Variants in PHYHIPL observed in about 807,000 individuals in gnomAD.
PHYHIPL encodes the protein phytanoyl-CoA hydroxylase-interacting protein-like.
PHYHIPL carries 9 observed loss-of-function variants against 33.4 expected under a neutral mutation model. The ratio of observed to expected loss-of-function variants is 0.27; its 90% CI spans 0.16 to 0.47. PHYHIPL has a LOEUF of 0.47. Among genes scored for constraint, PHYHIPL ranks in the 20% least tolerant of loss-of-function variants. The pLI is 0.99. For synonymous variants in PHYHIPL, 153 were observed against 154.1 expected (o/e 0.99, Z 0.05); for missense variants, 365 against 460.7 (o/e 0.79, Z 1.90).
intron 1 of PHYHIPL, among the ~76,000 whole-genome samples, chr10:59,222,149 A>G (rs1046909849): frequency 6.6e-6 from 1 of 152,096 alleles, no homozygotes; most frequent in African/African-American, 2.4e-5. Context: ...GAAGTACTGT[A>G]TATGGATTTC....
At chr10:59,222,392 G>A (rs1473731220) in intron 1 of PHYHIPL, among the ~76,000 whole-genome samples, 2 of 151,948 alleles carry the variant, frequency 1.3e-5, no homozygotes, top group African/African-American at 2.4e-5. Flanking sequence ...TAGAAAAGAG[G>A]TAATAAAAGC....
chr10:59,209,776 C>A (rs1839393688), intron 1 of PHYHIPL, among the ~76,000 whole-genome samples: 1 of 152,138 alleles, frequency 6.6e-6, no homozygotes, highest in South Asian at 2.1e-4. Flanking sequence ...ACATCTGCAA[C>A]CATCTAATCT....
At chr10:59,194,682 G>C (rs1298729387) in intron 1 of PHYHIPL, among the ~76,000 whole-genome samples, 1 of 152,158 alleles carries the variant, frequency 6.6e-6, no homozygotes, top group African/African-American at 2.4e-5. Flanking sequence ...TGACAAAAAG[G>C]CAAAATGGCA....
At chr10:59,184,012 T>G (rs988169803) in intron 1 of PHYHIPL, among the ~76,000 whole-genome samples, 8 of 152,218 alleles carry the variant, frequency 5.3e-5, no homozygotes, top group South Asian at 2.1e-4. Context: ...TATTGGTGAA[T>G]CTCTCAGTCT....
intron 1 of PHYHIPL, among the ~76,000 whole-genome samples, chr10:59,214,368 ACAT>A (rs1839549164): frequency 6.6e-6 from 1 of 152,108 alleles, no homozygotes; most frequent in Non-Finnish European, 1.5e-5. Flanking sequence ...CTGTTTGGTG[ACAT>A]CATCACACAA....
chr10:59,190,092 G>A (rs1332743794), intron 1 of PHYHIPL, among the ~76,000 whole-genome samples: 1 of 151,906 alleles, frequency 6.6e-6, no homozygotes, highest in Non-Finnish European at 1.5e-5. Context: ...TTGTGTAATT[G>A]TACTATAATT....
intron 4 of PHYHIPL, among the ~76,000 whole-genome samples, chr10:59,242,759 CA>C (rs1840447481): frequency 6.6e-6 from 1 of 151,928 alleles, no homozygotes; most frequent in African/African-American, 2.4e-5. Context: ...TAAGTAAAGT[CA>C]AAAGCTGGAT....
At chr10:59,230,201 A>T (rs1840039180) in intron 1 of PHYHIPL, among the ~76,000 whole-genome samples, 5 of 142,520 alleles carry the variant, frequency 3.5e-5, no homozygotes, top group Admixed American at 2.4e-4. Context: ...GAAATATTTT[A>T]AAATTGCTTT....
At chr10:59,199,807 T>C (rs544137286) in intron 1 of PHYHIPL, among the ~76,000 whole-genome samples, 20 of 152,302 alleles carry the variant, frequency 1.3e-4, no homozygotes, top group African/African-American at 4.3e-4. Flanking sequence ...TATTTTCTTC[T>C]CTTTGAAGCA....
rs1272754807 is a variant in PHYHIPL at position 59,229,056 on chromosome 10, T to C, written c.107-5248T>C. Among the ~76,000 whole-genome samples the C allele has an allele frequency of 2.0e-5, 3 of 152,146 alleles. No individual in the cohort carries two copies. The East Asian group carries it at 5.8e-4, about 29-fold the overall frequency. ...ACAGTATTTGCCAGAGCACATCTGG[T>C]TTATTAAGAGACTATTTTAATTCTT... On this transcript the variant is annotated intron_variant, in intron 1 of 4. Transcript: ENST00000373880.
intron 1 of PHYHIPL, among the ~76,000 whole-genome samples, chr10:59,195,547 A>G (rs1838888431): frequency 6.6e-6 from 1 of 152,164 alleles, no homozygotes. Context: ...GTCTTCAGAG[A>G]TAAGGATATT....
chr10:59,207,382 C>A (rs1214306004), intron 1 of PHYHIPL, among the ~76,000 whole-genome samples: 2 of 152,166 alleles, frequency 1.3e-5, no homozygotes, highest in South Asian at 4.1e-4. Context: ...CCATGAGGAC[C>A]AGTGCACTCC....
rs1366453966 is a variant in PHYHIPL at position 59,245,143 on chromosome 10, T to C, written c.683T>C (p.Ile228Thr). 1.9e-6 allele frequency: 3 copies of C among 1,614,126 alleles called. No individual in the cohort carries two copies. The highest frequency in any genetic ancestry group is 2.5e-6 in the Non-Finnish European group (3 of 1,179,998). ...GSPISGKLEGIFFSCSTEFNT... is the reference protein window; with the variant it reads ...GSPISGKLEGTFFSCSTEFNT... ...CCTATCAGTGGAAAATTAGAAGGCA[T>C]CTTCTTCAGCTGCAGCACTGAATTC... is the stretch of plus-strand genomic sequence containing the variant. The change falls in exon 5 of 5, where the codon ATC (isoleucine) becomes ACC (threonine). Residue 228 changes from isoleucine (I) to threonine (T), a missense_variant. Transcript: ENST00000373880.
At chr10:59,185,741 C>T (rs991903915) in intron 1 of PHYHIPL, among the ~76,000 whole-genome samples, 2 of 152,152 alleles carry the variant, frequency 1.3e-5, no homozygotes, top group African/African-American at 4.8e-5. Flanking sequence ...TTTCATGTGT[C>T]TGTTGGCTGC....
At chr10:59,223,343 T>A (rs1839831679) in intron 1 of PHYHIPL, among the ~76,000 whole-genome samples, 1 of 152,212 alleles carries the variant, frequency 6.6e-6, no homozygotes, top group African/African-American at 2.4e-5. Context: ...ATAACATCTA[T>A]GTTTTGCCCT....
intron 1 of PHYHIPL, among the ~76,000 whole-genome samples, chr10:59,227,493 T>C (rs1839957434): frequency 6.6e-6 from 1 of 152,172 alleles, no homozygotes; most frequent in Non-Finnish European, 1.5e-5. Context: ...TGCTGCCACC[T>C]TGGGGACCAA....
In PHYHIPL at chr10:59,183,374, A is replaced by G. The variant is rs114224440; in HGVS notation, c.106+6415A>G. 4.7e-3 allele frequency among the ~76,000 whole-genome samples: 719 copies of G among 152,360 alleles called. 12 individuals are homozygous for G. The highest frequency in any genetic ancestry group is 0.017 in the African/African-American group (690 of 41,596). On this transcript the variant is annotated intron_variant, in intron 1 of 4. Coordinates refer to ENST00000373880, the MANE Select transcript of PHYHIPL (RefSeq NM_032439.4). ...TGAAGATGTTTCAAATCTAACATTAAGAGAACCCTTAGAAACTTAAAAAGT... is the reference window on the plus strand; with the variant it reads ...TGAAGATGTTTCAAATCTAACATTAGGAGAACCCTTAGAAACTTAAAAAGT...
intron 1 of PHYHIPL, among the ~76,000 whole-genome samples, chr10:59,218,000 G>A (rs1487036023): frequency 6.6e-6 from 1 of 151,978 alleles, no homozygotes; most frequent in Non-Finnish European, 1.5e-5. Context: ...AATTTCTAAC[G>A]TTAATAATAT....
chr10:59,238,577 G>GT lies in PHYHIPL; in HGVS notation c.479-5dup, dbSNP rs755452082. ...ATATTTTTAATAACAGACTTTTTGG[G>GT]TTTTTTCCAGACTATTCAAAAGTTC... On this transcript the variant is annotated splice_polypyrimidine_tract_variant and intron_variant, in intron 3 of 4. Coordinates refer to ENST00000373880, the MANE Select transcript of PHYHIPL (RefSeq NM_032439.4). 7.1e-6 allele frequency: 11 copies of GT among 1,544,256 alleles called. No individual in the cohort carries two copies. Among genetic ancestry groups the GT allele is most frequent in the Non-Finnish European group, 9.8e-6 (11 of 1,120,144 alleles).
Sources: gnomAD v4.1 joint callset for allele counts (sites outside exome capture counted in the v4.1 genomes callset) on GRCh38, gnomAD v4.1.1 for gene constraint, MANE v1.5 for transcripts, NCBI Gene and HGNC (gene_info 2026-07-23, HGNC 2026-07-21) for gene names.